Variants in PCDHGA8 observed in about 807,000 individuals in gnomAD.
The protein encoded by PCDHGA8 is protocadherin gamma subfamily A, 8.
PCDHGA8 carries 45 observed loss-of-function variants against 59.2 expected under a neutral mutation model. The observed-to-expected ratio is 0.76, with a 90% CI of 0.60 to 0.98. The LOEUF is 0.98. Ranked by LOEUF, PCDHGA8 falls within the 50% of genes least tolerant of loss-of-function variation. The pLI is 0.00. For synonymous variants in PCDHGA8, 531 were observed against 519.0 expected (o/e 1.02, Z -0.32); for missense variants, 1,257 against 1,196.2 (o/e 1.05, Z -0.75).
Position 141,511,212 on chromosome 5 carries a change from C to T in PCDHGA8, c.*39C>T. ...CCAAGAGCCACAGGGCGGCCTCTCC[C>T]CAACCAGCCCAGCTTCTCCTTACCT... is the stretch of plus-strand genomic sequence containing the variant. On this transcript the variant is annotated 3_prime_UTR_variant, in exon 4 of 4. Coordinates refer to ENST00000398604, the MANE Select transcript of PCDHGA8 (RefSeq NM_032088.2). 6.2e-7 allele frequency: 1 copy of T among 1,608,656 alleles called. No individual in the cohort carries two copies. Among genetic ancestry groups the T allele is most frequent in the Non-Finnish European group, 8.5e-7 (1 of 1,177,502 alleles).
intron 1 of PCDHGA8, chr5:141,419,517 G>A: frequency 6.2e-7 from 1 of 1,612,224 alleles, no homozygotes; most frequent in South Asian, 1.1e-5. Context: ...GTGTTGGTGG[G>A]CGACCGTAAC....
chr5:141,451,676 G>C (rs1363843426), intron 1 of PCDHGA8, among the ~76,000 whole-genome samples: 1 of 152,142 alleles, frequency 6.6e-6, no homozygotes, highest in African/African-American at 2.4e-5. Context: ...GAGCCCAGGA[G>C]TTCAAGACCA....
chr5:141,399,711 A>G (rs1232938340), intron 1 of PCDHGA8: 5 of 1,613,236 alleles, frequency 3.1e-6, no homozygotes, highest in African/African-American at 1.3e-5. Context: ...AACTCACACT[A>G]CAGGCCCGCG....
intron 1 of PCDHGA8, chr5:141,418,060 A>G (rs2096216821): frequency 1.2e-6 from 2 of 1,613,850 alleles, no homozygotes; most frequent in Admixed American, 1.7e-5. Flanking sequence ...GCGAGCTGCG[A>G]GTGAGCGCGG....
rs770162660 is a variant in PCDHGA8 at position 141,393,194 on chromosome 5, C to G, written c.381C>G (p.Asn127Lys). ...FGVEIEIIDI[N>K]DNNPKFQVED... ...TAGAAATAGAAATAATTGATATTAA[C>G]GATAATAACCCAAAATTCCAGGTCG... Residue 127 changes from asparagine (N) to lysine (K), a missense_variant, in exon 1 of 4, where the codon AAC becomes AAG. Asn to Lys is a moderately conservative substitution (Grantham distance 94). Transcript: ENST00000398604. 1 of 1,613,362 alleles carries G rather than the reference C, an allele frequency of 6.2e-7. No individual in the cohort carries two copies.
At chr5:141,419,665 C>T in intron 1 of PCDHGA8, 1 of 1,612,860 alleles carries the variant, frequency 6.2e-7, no homozygotes, top group East Asian at 2.2e-5. Flanking sequence ...GGCACAATGC[C>T]TGGCTGTCCT....
intron 1 of PCDHGA8, chr5:141,427,726 T>C: frequency 8.7e-7 from 1 of 1,155,152 alleles, no homozygotes; most frequent in Non-Finnish European, 1.3e-6. Context: ...GACCTAGGGC[T>C]GAATGGCCAA....
intron 1 of PCDHGA8, among the ~76,000 whole-genome samples, chr5:141,482,530 C>CAAAAAAAAA (rs3074545): frequency 5.2e-4 from 40 of 76,506 alleles, no homozygotes; most frequent in African/African-American, 1.4e-3. Context: ...GACAGACATG[C>CAAAAAAAAA]AAAAAAAAAA....
At chr5:141,421,633 G>A (rs1369645749) in intron 1 of PCDHGA8, 3 of 1,613,834 alleles carry the variant, frequency 1.9e-6, no homozygotes, top group Non-Finnish European at 2.5e-6. Context: ...CAGCTTCCAG[G>A]AGGACGAAGT....
chr5:141,487,616 G>A lies in PCDHGA8; in HGVS notation c.2425-7191G>A. On this transcript the variant is annotated intron_variant, in intron 1 of 3. Transcript: ENST00000398604. This position sits in a 1 kb window ranked among gnomAD's most constrained non-coding sequence, Gnocchi z 5.0. ...CTCTGATCTTCTCTATGGGCTAGAG[G>A]TGAGACCTTTGCAGGCTCAACAAAT... 2 of 1,614,220 alleles carry A rather than the reference G, an allele frequency of 1.2e-6. No homozygotes were observed. The highest frequency in any genetic ancestry group is 1.7e-6 in the Non-Finnish European group (2 of 1,180,044).
In PCDHGA8 at chr5:141,490,679, A is replaced by C; in HGVS notation, c.2425-4128A>C. On this transcript the variant is annotated intron_variant, in intron 1 of 3. Coordinates refer to ENST00000398604, the MANE Select transcript of PCDHGA8 (RefSeq NM_032088.2). The surrounding 1 kb of genome is among the most constrained non-coding windows in gnomAD (Gnocchi z 5.4). ...CTTCTTTGCACTGTGGCTGCCTCAG[A>C]TCCAGACACTGGGGATAATGCCCGC... 6.2e-7 allele frequency: 1 copy of C among 1,614,164 alleles called. No individual in the cohort carries two copies. The highest frequency in any genetic ancestry group is 8.5e-7 in the Non-Finnish European group (1 of 1,180,034).
At chr5:141,503,387 G>A (rs975079596) in intron 2 of PCDHGA8, among the ~76,000 whole-genome samples, 24 of 152,068 alleles carry the variant, frequency 1.6e-4, no homozygotes, top group Middle Eastern at 3.4e-3. Flanking sequence ...ATGAGGTCAG[G>A]AGTTCGAAAC....
At chr5:141,410,849 C>CTTTTTCT (rs2095432763) in intron 1 of PCDHGA8, 1 of 129,786 alleles carries the variant, frequency 7.7e-6, no homozygotes, top group Non-Finnish European at 1.3e-5. Flanking sequence ...TTGTCTTTGT[C>CTTTTTCT]TTTTTTTTTT....
intron 2 of PCDHGA8, among the ~76,000 whole-genome samples, chr5:141,499,689 CTTTTTTT>C (rs545067566): frequency 8.3e-6 from 1 of 119,856 alleles, no homozygotes; most frequent in Non-Finnish European, 1.7e-5. Flanking sequence ...TAACAGATGA[CTTTTTTT>C]TTTTTTTTTT....
At chr5:141,460,132 T>TAAAA in intron 1 of PCDHGA8, among the ~76,000 whole-genome samples, 1 of 152,036 alleles carries the variant, frequency 6.6e-6, no homozygotes, top group South Asian at 2.1e-4. Context: ...GTAATATATA[T>TAAAA]ATTCTTGATG....
intron 1 of PCDHGA8, among the ~76,000 whole-genome samples, chr5:141,463,302 A>T (rs2099056422): frequency 6.6e-6 from 1 of 151,090 alleles, no homozygotes; most frequent in Non-Finnish European, 1.5e-5. Context: ...ATCTCCCCAA[A>T]CTCTAATATC....
At position 141,428,042 on chromosome 5, in the gene PCDHGA8, G is replaced by A; in HGVS notation, c.2424+32805G>A. The A allele has an allele frequency of 1.9e-6, 3 of 1,608,716 alleles. No individual in the cohort carries two copies. The South Asian group carries it at 3.3e-5, about 18-fold the overall frequency. On this transcript the variant is annotated intron_variant, in intron 1 of 3. Transcript: ENST00000398604. ...GCGCCGCAGAGTCCGGCTACCTGGT[G>A]ACCAAGGTGGTGGCGGTGGACGCAG...
chr5:141,468,274 G>A (rs1461428449), intron 1 of PCDHGA8, among the ~76,000 whole-genome samples: 1 of 144,906 alleles, frequency 6.9e-6, no homozygotes, highest in Non-Finnish European at 1.5e-5. Flanking sequence ...GTGGTGAGCC[G>A]AGACCACGCC....
chr5:141,417,659 A>G, intron 1 of PCDHGA8: 1 of 869,514 alleles, frequency 1.2e-6, no homozygotes, highest in Non-Finnish European at 1.7e-6. Context: ...CTAGCCTGGG[A>G]TTCCCTGCGC....
Sources: allele counts gnomAD v4.1 joint callset (sites outside exome capture counted in the v4.1 genomes callset), GRCh38; gene constraint gnomAD v4.1.1; non-coding constraint Gnocchi (gnomAD v3.1); transcripts MANE v1.5; gene names NCBI Gene and HGNC (gene_info 2026-07-23, HGNC 2026-07-21).